Variants in ZNF611 observed in about 807,000 individuals in gnomAD.
ZNF611 encodes the protein zinc finger protein 611.
In ZNF611, 6 loss-of-function variants were observed where a neutral mutation model predicts 8.9. The ratio of observed to expected loss-of-function variants is 0.68; its 90% CI spans 0.37 to 1.34. The LOEUF (loss-of-function observed/expected upper bound fraction) is 1.34, where lower values mean the gene tolerates loss of function less well. ZNF611 is among the 40% of genes most tolerant of loss of function. The pLI is 0.02. For synonymous variants in ZNF611, 262 were observed against 279.7 expected (o/e 0.94, Z 0.63); for missense variants, 874 against 841.3 (o/e 1.04, Z -0.48).
rs1375400068 is a variant in ZNF611 at position 52,705,272 on chromosome 19, TG to T, written c.1782del (p.Tyr594Ter). ...AAGGTCTTGCTGCACTCATTACACTTGTAAGGTTTCTCACCACTATGAACTC... is the reference window on the plus strand; with the variant it reads ...AAGGTCTTGCTGCACTCATTACACTTTAAGGTTTCTCACCACTATGAACTC... Reference protein sequence around the residue: ...HHRVHSGEKPYKCNECSKTFS... With the variant: ...HHRVHSGEKPXKCNECSKTFS... On this transcript the variant is annotated frameshift_variant, in exon 6 of 6. Coordinates refer to ENST00000652185, the MANE Select transcript of ZNF611 (RefSeq NM_001161499.2). LOFTEE classifies it low-confidence loss of function (END_TRUNC). The T allele has an allele frequency of 6.2e-7, 1 of 1,614,162 alleles. No homozygotes were observed. Among genetic ancestry groups the T allele is most frequent in the Non-Finnish European group, 8.5e-7 (1 of 1,180,022 alleles).
At chr19:52,726,707 C>CGCACACAGCCAAGACTACTGCTTTTATAA (rs2062395529) in intron 3 of ZNF611, among the ~76,000 whole-genome samples, 1 of 148,592 alleles carries the variant, frequency 6.7e-6, no homozygotes, top group Non-Finnish European at 1.5e-5. Flanking sequence ...TGTGAGCCAC[C>CGCACACAGCCAAGACTACTGCTTTTATAA]ATGCTCGGCC....
rs1212809624 is a variant in ZNF611, at chr19:52,704,606, A to T, written c.*331T>A. ...AATTTGCCACATTTATTACACTTGT[A>T]AGATCTCTCTTCATTATGGATTCTC... On this transcript the variant is annotated 3_prime_UTR_variant, in exon 6 of 6. Coordinates refer to ENST00000652185, the MANE Select transcript of ZNF611 (RefSeq NM_001161499.2). The T allele has an allele frequency of 2.0e-5, 32 of 1,577,552 alleles. No individual in the cohort carries two copies. The highest frequency in any genetic ancestry group is 2.5e-5 in the Non-Finnish European group (29 of 1,148,710).
At chr19:52,730,175 C>T (rs576271994) in intron 1 of ZNF611, among the ~76,000 whole-genome samples, 170 bp from the exon 2 acceptor site, 4 of 151,948 alleles carry the variant, frequency 2.6e-5, no homozygotes, top group South Asian at 2.1e-4. Flanking sequence ...GGGCGGATGA[C>T]GAGGTCAGGA....
At chr19:52,726,243 C>T (rs549998949) in intron 3 of ZNF611, among the ~76,000 whole-genome samples, 6 of 152,064 alleles carry the variant, frequency 3.9e-5, no homozygotes, top group Admixed American at 2.0e-4. Flanking sequence ...GCTGCCTAAA[C>T]GCAGCAGGGA....
chr19:52,722,125 G>A (rs1750878246), intron 3 of ZNF611, among the ~76,000 whole-genome samples: 1 of 151,898 alleles, frequency 6.6e-6, no homozygotes, highest in African/African-American at 2.4e-5. Flanking sequence ...ACATTGCAAG[G>A]CCAAGACAGG....
In ZNF611 at chr19:52,714,338, A is replaced by G. The variant is rs542382008; in HGVS notation, c.64-197T>C. ...TTTCCTTGAAAGATTTTAAGATCCC[A>G]TAAGTCACTACGGAAATCTCGATTT... On this transcript the variant is annotated intron_variant, in intron 4 of 5. Coordinates refer to ENST00000652185, the MANE Select transcript of ZNF611 (RefSeq NM_001161499.2). Among the ~76,000 whole-genome samples the G allele has an allele frequency of 5.9e-5, 9 of 152,226 alleles. No homozygotes were observed. The South Asian group carries it at 1.5e-3, about 25-fold the overall frequency.
At chr19:52,707,573 A>G (rs1191732045) in intron 5 of ZNF611, 1 of 151,512 alleles carries the variant, frequency 6.6e-6, no homozygotes, top group African/African-American at 2.4e-5. Context: ...TTAATAGAAT[A>G]TTTTTCTGAA....
rs2062218242 is a variant in ZNF611 at position 52,703,485 on chromosome 19, T to A, written c.*1452A>T. 1 of 152,098 alleles carries A rather than the reference T, an allele frequency of 6.6e-6. No homozygotes were observed. The highest frequency in any genetic ancestry group is 1.5e-5 in the Non-Finnish European group (1 of 68,040). The allele number at this position is 152,098 out of a possible 1,614,324, so 9.4% of individuals were successfully genotyped here. On this transcript the variant is annotated 3_prime_UTR_variant, in exon 6 of 6. Transcript: ENST00000652185. ...TTAGTAGAGATGGGGTTTCACCATG[T>A]TAGGGTGCTTTTGAAATTGTGACCT...
At chr19:52,706,997 G>A (rs73934857) in intron 5 of ZNF611, 133 bp from the exon 6 acceptor site, 22,181 of 1,389,256 alleles carry the variant, frequency 0.016, 349 homozygotes, top group African/African-American at 0.078. Context: ...TTAGGAAAAC[G>A]AAAGGAGCAA....
intron 5 of ZNF611, among the ~76,000 whole-genome samples, chr19:52,711,639 T>C (rs1436180143): frequency 6.6e-6 from 1 of 152,206 alleles, no homozygotes; most frequent in African/African-American, 2.4e-5. Flanking sequence ...GCTGCGCTGC[T>C]GACAGTGGTT....
chr19:52,717,464 T>G (rs1227259692), intron 3 of ZNF611, among the ~76,000 whole-genome samples: 5 of 152,100 alleles, frequency 3.3e-5, no homozygotes, highest in South Asian at 2.1e-4. Context: ...GCCCCAGGAA[T>G]AGGAAAGCAG....
In ZNF611 at chr19:52,704,266, T is replaced by C. The variant is rs2062224497; in HGVS notation, c.*671A>G. The C allele has an allele frequency of 6.1e-6, 3 of 493,790 alleles. No homozygotes were observed. The highest frequency in any genetic ancestry group is 1.2e-5 in the Non-Finnish European group (3 of 246,426). 30.6% of individuals were successfully genotyped at this position (493,790 alleles called of 1,614,324 possible). ...TGATGGTTTGCTATACTCATTTCAT[T>C]GGGAACGGTTATCTCAAAAATGAAT... On this transcript the variant is annotated 3_prime_UTR_variant, in exon 6 of 6. Transcript: ENST00000652185.
chr19:52,703,244 A>C lies in ZNF611; in HGVS notation c.*1693T>G, dbSNP rs2062216198. 1 of 152,162 alleles carries C rather than the reference A, an allele frequency of 6.6e-6. No individual in the cohort carries two copies. The highest frequency in any genetic ancestry group is 1.5e-5 in the Non-Finnish European group (1 of 68,034). The allele number at this position is 152,162 out of a possible 1,614,324, so 9.4% of individuals were successfully genotyped here. On this transcript the variant is annotated 3_prime_UTR_variant, in exon 6 of 6. Transcript: ENST00000652185. The stretch of plus-strand genomic sequence containing the variant: ...ACCAGAAAGAAAAAGAAGGAAGTCC[A>C]TTATACGAGAAGAAAAGCATTTTTG...
intron 3 of ZNF611, among the ~76,000 whole-genome samples, chr19:52,723,170 T>G (rs777476851): frequency 6.6e-6 from 1 of 151,160 alleles, no homozygotes; most frequent in Non-Finnish European, 1.5e-5. Flanking sequence ...TTTGTACCTC[T>G]CTCCTCTCCT....
At chr19:52,709,185 G>C (rs904196584) in intron 5 of ZNF611, among the ~76,000 whole-genome samples, 1 of 152,192 alleles carries the variant, frequency 6.6e-6, no homozygotes, top group African/African-American at 2.4e-5. Context: ...AGAGAGTTTT[G>C]TAATGGGTGT....
intron 5 of ZNF611, 56 bp from the exon 6 acceptor site, chr19:52,706,920 T>C: frequency 6.4e-7 from 1 of 1,550,670 alleles, no homozygotes; most frequent in Non-Finnish European, 8.7e-7. Flanking sequence ...TAAATCACAC[T>C]GAAGTGCATA....
At chr19:52,727,038 G>T (rs572479543) in intron 3 of ZNF611, among the ~76,000 whole-genome samples, 4 of 151,900 alleles carry the variant, frequency 2.6e-5, no homozygotes, top group African/African-American at 7.3e-5. Context: ...GCTAACTTTT[G>T]TATTTTTGGT....
In ZNF611 at chr19:52,714,453, C is replaced by G. The variant is rs549647135; in HGVS notation, c.64-312G>C. Among the ~76,000 whole-genome samples, 3 of 151,880 alleles carry G rather than the reference C, an allele frequency of 2.0e-5. No individual in the cohort carries two copies. In the South Asian group the frequency reaches 6.3e-4, roughly 32 times the overall value. On this transcript the variant is annotated intron_variant, in intron 4 of 5. Transcript: ENST00000652185. ...TTGTAATCCCAACACTTCAGGAGGC[C>G]AAGGCGGGCAGATTATTTGCGGTCA...
chr19:52,725,807 A>G lies in ZNF611; in HGVS notation c.-20+2923T>C, dbSNP rs1250084587. ...AGCCAGTCCCGGGTGGGGCCCCCGA[A>G]CATGGTGGCGGGGCCTGGGTGGGAC... On this transcript the variant is annotated intron_variant, in intron 3 of 5. Transcript: ENST00000652185. Among the ~76,000 whole-genome samples, 4 of 152,208 alleles carry G rather than the reference A, an allele frequency of 2.6e-5. No homozygotes were observed. In the East Asian group the frequency reaches 5.9e-4, roughly 22 times the overall value.
Sources: allele counts gnomAD v4.1 joint callset (sites outside exome capture counted in the v4.1 genomes callset), GRCh38; gene constraint gnomAD v4.1.1; transcripts MANE v1.5; gene names NCBI Gene and HGNC (gene_info 2026-07-23, HGNC 2026-07-21).